The following GTF2IRD1 variants were observed in gnomAD, a reference collection of about 807,000 sequenced individuals.
The protein encoded by GTF2IRD1 is general transcription factor II-I repeat domain-containing protein 1.
Under a neutral mutation model 113.2 loss-of-function variants are expected in GTF2IRD1, and 26 were observed. The ratio of observed to expected loss-of-function variants is 0.23; its 90% CI spans 0.17 to 0.32. GTF2IRD1 has a LOEUF of 0.32. Ranked by LOEUF, GTF2IRD1 falls within the 10% of genes least tolerant of loss-of-function variation. The probability of loss-of-function intolerance (pLI) is 1.00; values close to 1 mark genes in which losing one functional copy is unlikely to be tolerated. For missense variants in GTF2IRD1, 864 were observed against 1,280.8 expected, an observed-to-expected ratio of 0.67 and a Z score of 4.97; for synonymous variants, 484 against 529.1, an observed-to-expected ratio of 0.91 and a Z score of 1.17.
chr7:74,549,037 AGCTG>A (rs67047996), intron 17 of GTF2IRD1, among the ~76,000 whole-genome samples: 44,843 of 151,752 alleles, frequency 0.3, 8,653 homozygotes, highest in African/African-American at 0.56. Context: ...CTGTAATCCC[AGCTG>A]GCATTTGGGA....
At chr7:74,551,460 A>C (rs1396111263) in intron 17 of GTF2IRD1, among the ~76,000 whole-genome samples, 1 of 152,256 alleles carries the variant, frequency 6.6e-6, no homozygotes, top group Non-Finnish European at 1.5e-5. Context: ...AATGCCACCA[A>C]GTCCTGCCCT....
Position 74,505,397 on chromosome 7 carries a change from C to T in GTF2IRD1, c.-6-2678C>T, listed in dbSNP as rs137886810. Among the ~76,000 whole-genome samples, 451 of 152,288 alleles carry T rather than the reference C, an allele frequency of 3.0e-3. 6 individuals are homozygous for T. The highest frequency in any genetic ancestry group is 8.9e-3 in the African/African-American group (372 of 41,570). ...AGTGGCTGTCTCTCTCCATGCTCCC[C>T]AAGTGCACCCACCTGGGCTGTGGCT... On this transcript the variant is annotated intron_variant, in intron 1 of 26. Coordinates refer to ENST00000424337, the MANE Select transcript of GTF2IRD1 (RefSeq NM_005685.4).
Position 74,554,740 on chromosome 7 carries a change from G to A in GTF2IRD1, c.1917-434G>A, listed in dbSNP as rs1227014588. The stretch of plus-strand genomic sequence containing the variant: ...TTTTAGTAGAGACGGGTTTCACCAT[G>A]TTGGCCAGGCTGGTCTCAGACTCCT... On this transcript the variant is annotated intron_variant, in intron 17 of 26. Coordinates refer to ENST00000424337, the MANE Select transcript of GTF2IRD1 (RefSeq NM_005685.4). Among the ~76,000 whole-genome samples, 7 of 152,216 alleles carry A rather than the reference G, an allele frequency of 4.6e-5. 1 individual carries two copies. Among genetic ancestry groups the A allele is most frequent in the African/African-American group, 1.7e-4 (7 of 41,540 alleles).
chr7:74,474,826 G>A (rs980124564), intron 1 of GTF2IRD1, among the ~76,000 whole-genome samples: 1 of 152,144 alleles, frequency 6.6e-6, no homozygotes, highest in African/African-American at 2.4e-5. Flanking sequence ...GAGGGAAAGG[G>A]ATCTGGCTGG....
At chr7:74,522,647 G>A (rs1797360975) in intron 7 of GTF2IRD1, among the ~76,000 whole-genome samples, 1 of 152,232 alleles carries the variant, frequency 6.6e-6, no homozygotes, top group Admixed American at 6.5e-5. Flanking sequence ...AGCCCTGGCA[G>A]GGAGGAGATG....
rs1345181420 is a variant in GTF2IRD1, at chr7:74,490,347, C to A, written c.-6-17728C>A. Among the ~76,000 whole-genome samples the A allele has an allele frequency of 2.0e-5, 3 of 152,104 alleles. No homozygotes were observed. The East Asian group carries it at 5.8e-4, about 29-fold the overall frequency. ...GTAAGACCCCCTCCCGCTGCCCAGC[C>A]CAGAGCCTGGCCTGAGCAGATACGA... is the stretch of plus-strand genomic sequence containing the variant. On this transcript the variant is annotated intron_variant, in intron 1 of 26. Coordinates refer to ENST00000424337, the MANE Select transcript of GTF2IRD1 (RefSeq NM_005685.4).
At chr7:74,539,492 C>A (rs1221768881) in intron 13 of GTF2IRD1, among the ~76,000 whole-genome samples, 2 of 152,036 alleles carry the variant, frequency 1.3e-5, no homozygotes, top group Non-Finnish European at 2.9e-5. Flanking sequence ...GCCTATAATC[C>A]CAGCACTTTG....
intron 8 of GTF2IRD1, 55 bp downstream of exon 8, chr7:74,524,209 A>G: frequency 9.1e-7 from 1 of 1,098,756 alleles, no homozygotes; most frequent in East Asian, 3.1e-5. Context: ...TGAGCATCTC[A>G]TTACGTGGCA....
intron 17 of GTF2IRD1, among the ~76,000 whole-genome samples, chr7:74,552,949 G>T (rs141919999): frequency 1.3e-5 from 2 of 151,682 alleles, no homozygotes; most frequent in African/African-American, 4.8e-5. Context: ...GCGATTCCCC[G>T]GCCTCAGCCT....
rs963895172 is a variant in GTF2IRD1, at chr7:74,464,418, G to A, written c.-7+10242G>A. 2.9e-5 allele frequency among the ~76,000 whole-genome samples: 4 copies of A among 140,222 alleles called. No homozygotes were observed. The Admixed American group carries it at 3.0e-4, about 11-fold the overall frequency. The allele number at this position is 140,222 out of a possible 152,430, so 92.0% of individuals were successfully genotyped here. A position where few individuals can be genotyped will look rare whatever the true frequency, so the allele number is the denominator to read the frequency against. On this transcript the variant is annotated intron_variant, in intron 1 of 26. Coordinates refer to ENST00000424337, the MANE Select transcript of GTF2IRD1 (RefSeq NM_005685.4). Reference sequence around the variant, plus strand: ...TTGCGTGGGTGTCTTGAGAGATTTGGGGGGTTTTTACTTTGTTGTTTTTGT... The same window carrying A: ...TTGCGTGGGTGTCTTGAGAGATTTGAGGGGTTTTTACTTTGTTGTTTTTGT...
chr7:74,489,782 A>G (rs192919411), intron 1 of GTF2IRD1, among the ~76,000 whole-genome samples: 353 of 152,302 alleles, frequency 2.3e-3, no homozygotes, highest in African/African-American at 8.1e-3. Context: ...GCCTTGGAGA[A>G]TCACCAAAGT....
chr7:74,586,067 T>C (rs1288038725), intron 22 of GTF2IRD1, among the ~76,000 whole-genome samples: 1 of 152,026 alleles, frequency 6.6e-6, no homozygotes, highest in African/African-American at 2.4e-5. Flanking sequence ...TTGGCTGCAG[T>C]GTCTAGGAAA....
intron 23 of GTF2IRD1, 136 bp from the exon 24 acceptor site, chr7:74,590,689 C>G: frequency 1.9e-6 from 1 of 528,706 alleles, no homozygotes; most frequent in Non-Finnish European, 3.3e-6. Context: ...CTGCGCCCCA[C>G]CAGGGTCTTG....
intron 22 of GTF2IRD1, among the ~76,000 whole-genome samples, chr7:74,562,626 G>A (rs587596949): frequency 8.2e-6 from 1 of 121,806 alleles, no homozygotes; most frequent in Non-Finnish European, 1.6e-5. Context: ...AGAGTGCAAT[G>A]GTGTGATCCT....
chr7:74,575,020 G>A (rs1800945630), intron 22 of GTF2IRD1, among the ~76,000 whole-genome samples: 1 of 152,124 alleles, frequency 6.6e-6, no homozygotes, highest in Non-Finnish European at 1.5e-5. Flanking sequence ...AACCCGGGAG[G>A]TGGAAGTTGC....
intron 1 of GTF2IRD1, among the ~76,000 whole-genome samples, chr7:74,471,671 T>TAAAAAAAAA (rs1794096527): frequency 1.8e-5 from 1 of 54,094 alleles, no homozygotes; most frequent in Non-Finnish European, 3.7e-5. Context: ...TTTGAAATAT[T>TAAAAAAAAA]TAAAAAAAAA....
At chr7:74,461,919 G>A (rs1461507499) in intron 1 of GTF2IRD1, among the ~76,000 whole-genome samples, 4 of 152,132 alleles carry the variant, frequency 2.6e-5, no homozygotes, top group Admixed American at 6.6e-5. Context: ...AGGAGTGAAG[G>A]CTATGCTATA....
chr7:74,492,191 G>A (rs1366529200), intron 1 of GTF2IRD1, among the ~76,000 whole-genome samples: 2 of 136,950 alleles, frequency 1.5e-5, no homozygotes, highest in African/African-American at 2.8e-5. Context: ...TTTTTTTTGA[G>A]ACAGAGTCTC....
chr7:74,459,468 A>G (rs1313993722), intron 1 of GTF2IRD1, among the ~76,000 whole-genome samples: 1 of 152,080 alleles, frequency 6.6e-6, no homozygotes, highest in Non-Finnish European at 1.5e-5. Context: ...CAAAAAAAAA[A>G]AGATAAGATA....
Sources: allele counts gnomAD v4.1 joint callset (sites outside exome capture counted in the v4.1 genomes callset), GRCh38; gene constraint gnomAD v4.1.1; transcripts MANE v1.5; gene names NCBI Gene and HGNC (gene_info 2026-07-23, HGNC 2026-07-21).